The following KIF6 variants were observed in gnomAD, a reference collection of about 807,000 sequenced individuals.
KIF6 encodes kinesin family member 6, also known as kinesin-like protein KIF6.
A neutral mutation model predicts 112.7 loss-of-function variants in KIF6; 106 were observed. The observed-to-expected ratio is 0.94, with a 90% CI of 0.80 to 1.11. The LOEUF is 1.11. Ranked by LOEUF, KIF6 falls within the 50% of genes least tolerant of loss-of-function variation. The pLI is 0.00. For missense variants in KIF6, 929 were observed against 964.0 expected (o/e 0.96, Z 0.48); for synonymous variants, 339 against 339.9 (o/e 1.00, Z 0.03).
intron 13 of KIF6, among the ~76,000 whole-genome samples, chr6:39,495,427 C>A (rs750344313): frequency 1.6e-4 from 25 of 152,198 alleles, no homozygotes; most frequent in Non-Finnish European, 2.8e-4. Context: ...CCCAGCCCCA[C>A]CCTAGCTTGA....
At chr6:39,674,804 C>CA (rs1490913264) in intron 3 of KIF6, among the ~76,000 whole-genome samples, 2 of 148,324 alleles carry the variant, frequency 1.3e-5, no homozygotes. Context: ...GGAGGTAAAA[C>CA]TAACATACTA....
At chr6:39,355,623 C>G (rs955466585) in intron 19 of KIF6, among the ~76,000 whole-genome samples, 3 of 151,740 alleles carry the variant, frequency 2.0e-5, no homozygotes, top group Non-Finnish European at 1.5e-5. Flanking sequence ...ACCACCACAC[C>G]TGGTATTTTT....
At chr6:39,476,461 A>G (rs150274831) in intron 13 of KIF6, among the ~76,000 whole-genome samples, 3 of 152,276 alleles carry the variant, frequency 2.0e-5, no homozygotes, top group African/African-American at 7.2e-5. Flanking sequence ...GCATACAGAA[A>G]CAACAGAAGC....
chr6:39,602,913 T>C (rs186675085), intron 6 of KIF6, among the ~76,000 whole-genome samples: 21 of 152,288 alleles, frequency 1.4e-4, no homozygotes, highest in East Asian at 1.9e-4. Flanking sequence ...CTATCCCCAA[T>C]TGGCATTAGC....
At chr6:39,382,153 G>T (rs1767003769) in intron 16 of KIF6, among the ~76,000 whole-genome samples, 1 of 152,136 alleles carries the variant, frequency 6.6e-6, no homozygotes, top group African/African-American at 2.4e-5. Flanking sequence ...ATCATTGTTT[G>T]TTTATTTTTA....
chr6:39,389,755 G>C (rs1246451543), intron 15 of KIF6, among the ~76,000 whole-genome samples: 1 of 152,160 alleles, frequency 6.6e-6, no homozygotes, highest in East Asian at 1.9e-4. Flanking sequence ...TCTGGGCCAG[G>C]CATGGTGGTT....
intron 13 of KIF6, among the ~76,000 whole-genome samples, chr6:39,477,810 G>A (rs551534620): frequency 2.0e-5 from 3 of 152,186 alleles, no homozygotes; most frequent in African/African-American, 2.4e-5. Context: ...GCAGTGAGCC[G>A]AGATCATGCC....
At chr6:39,390,444 G>T (rs1644883721) in intron 15 of KIF6, among the ~76,000 whole-genome samples, 2 of 152,206 alleles carry the variant, frequency 1.3e-5, no homozygotes, top group Admixed American at 1.3e-4. Context: ...AAGAGCAAGG[G>T]TGTTAAGGTG....
chr6:39,416,600 AGTTTATCTACCTAGTTGGGTT>A (rs771625172), intron 15 of KIF6, among the ~76,000 whole-genome samples: 13 of 152,186 alleles, frequency 8.5e-5, no homozygotes, highest in Non-Finnish European at 1.6e-4. Flanking sequence ...TTGTGGCAAG[AGTTTATCTACCTAGTTGGGTT>A]GGCTTCTTTT....
rs57614136 is a variant in KIF6, at chr6:39,392,180, TA to T, written c.1811-6509del. On this transcript the variant is annotated intron_variant, in intron 15 of 22. Transcript: ENST00000287152. ...CTCATTCTGTTTCTTACTTATTTAT[TA>T]GTACTGTTTTTGACATCTGTTTTGC... Among the ~76,000 whole-genome samples, 1,095 of 152,356 alleles carry T rather than the reference TA, an allele frequency of 7.2e-3. 13 individuals carry two copies. Among genetic ancestry groups the T allele is most frequent in the African/African-American group, 0.025 (1,039 of 41,572 alleles).
chr6:39,346,116 C>CCG, intron 20 of KIF6, among the ~76,000 whole-genome samples: 1 of 17,848 alleles, frequency 5.6e-5, no homozygotes, highest in African/African-American at 3.7e-4. Flanking sequence ...CCTCCCTCTC[C>CCG]CTCTCCCTCC....
rs981572053 is a variant in KIF6, at chr6:39,332,683, C to T, written c.*3849G>A. 1 of 152,206 alleles carries T rather than the reference C, an allele frequency of 6.6e-6. No homozygotes were observed. The highest frequency in any genetic ancestry group is 1.5e-5 in the Non-Finnish European group (1 of 68,044). 9.4% of individuals were successfully genotyped at this position (152,206 alleles called of 1,614,324 possible). On this transcript the variant is annotated 3_prime_UTR_variant, in exon 23 of 23. Coordinates refer to ENST00000287152, the MANE Select transcript of KIF6 (RefSeq NM_145027.6). The stretch of plus-strand genomic sequence containing the variant: ...TGCTTCCTCCTGGTGGTTCTTTCCC[C>T]TGCCTTGGGTAATTTCTTCACATGC...
intron 15 of KIF6, among the ~76,000 whole-genome samples, chr6:39,403,393 T>C (rs1768850474): frequency 6.6e-6 from 1 of 152,204 alleles, no homozygotes; most frequent in Non-Finnish European, 1.5e-5. Flanking sequence ...GAATGTCATA[T>C]AGCTGGAATC....
intron 6 of KIF6, among the ~76,000 whole-genome samples, chr6:39,598,671 A>G: frequency 6.6e-6 from 1 of 151,994 alleles, no homozygotes. Context: ...GTGGACATTC[A>G]CTGCAACATT....
intron 3 of KIF6, among the ~76,000 whole-genome samples, chr6:39,644,341 T>A (rs1785054364): frequency 6.6e-6 from 1 of 152,106 alleles, no homozygotes; most frequent in Admixed American, 6.6e-5. Context: ...AAAACATGTG[T>A]CCACACAAAA....
chr6:39,606,057 T>A (rs549352985), intron 6 of KIF6, among the ~76,000 whole-genome samples: 2 of 152,116 alleles, frequency 1.3e-5, no homozygotes, highest in East Asian at 3.9e-4. Context: ...TCTTTCTAGA[T>A]ACACCTTCTC....
At chr6:39,625,635 C>A (rs1213203337) in intron 5 of KIF6, among the ~76,000 whole-genome samples, 1 of 152,100 alleles carries the variant, frequency 6.6e-6, no homozygotes, top group East Asian at 1.9e-4. Flanking sequence ...CCCCTCAAAT[C>A]CCCATAGGAG....
intron 13 of KIF6, among the ~76,000 whole-genome samples, chr6:39,488,511 A>T (rs1546911): frequency 0.02 from 3,108 of 152,208 alleles, 48 homozygotes; most frequent in Non-Finnish European, 0.03. Context: ...TGACTCTAGG[A>T]GCCTGGGTTA....
At chr6:39,388,232 T>A (rs1266242133) in intron 15 of KIF6, among the ~76,000 whole-genome samples, 1 of 152,064 alleles carries the variant, frequency 6.6e-6, no homozygotes, top group Non-Finnish European at 1.5e-5. Flanking sequence ...TTACAATTTC[T>A]TCAGCGCCTA....
Sources: allele counts gnomAD v4.1 joint callset (sites outside exome capture counted in the v4.1 genomes callset), GRCh38; gene constraint gnomAD v4.1.1; transcripts MANE v1.5; gene names NCBI Gene and HGNC (gene_info 2026-07-23, HGNC 2026-07-21).